The following ASB3 variants were observed in gnomAD, a reference collection of about 807,000 sequenced individuals.
ASB3 encodes the protein ankyrin repeat and SOCS box protein 3.
In ASB3, 41 loss-of-function variants were observed where a neutral mutation model predicts 54.5. That is an observed-to-expected ratio of 0.75 (90% CI 0.59 to 0.98). The LOEUF (loss-of-function observed/expected upper bound fraction) is 0.98, where lower values mean the gene tolerates loss of function less well. Among genes scored for constraint, ASB3 ranks in the 50% least tolerant of loss-of-function variants. The pLI, the probability that ASB3 is intolerant of heterozygous loss-of-function variation, is 0.00. For missense variants in ASB3, 733 were observed against 620.0 expected (o/e 1.18, Z -1.94); for synonymous variants, 266 against 221.2 (o/e 1.20, Z -1.80).
intron 1 of ASB3, chr2:53,771,832 A>G (rs1673934389): frequency 1.2e-6 from 1 of 804,348 alleles, no homozygotes; most frequent in African/African-American, 1.7e-5. Flanking sequence ...TTCCATGTCA[A>G]AAATGTTGCT....
chr2:53,766,430 T>C (rs939765895), intron 1 of ASB3, among the ~76,000 whole-genome samples: 2 of 152,240 alleles, frequency 1.3e-5, no homozygotes, highest in African/African-American at 4.8e-5. Flanking sequence ...TATTGTTAAT[T>C]TTCTCAGATG....
At chr2:53,753,359 T>C (rs1672632642) in intron 2 of ASB3, among the ~76,000 whole-genome samples, 1 of 152,152 alleles carries the variant, frequency 6.6e-6, no homozygotes, top group South Asian at 2.1e-4. Flanking sequence ...ATGGCAGATC[T>C]GGGGGCCAGG....
At chr2:53,759,351 G>T (rs575871369) in intron 2 of ASB3, among the ~76,000 whole-genome samples, 2 of 152,274 alleles carry the variant, frequency 1.3e-5, no homozygotes, top group Admixed American at 1.3e-4. Flanking sequence ...CGCCTTTCTG[G>T]AGACACTAAG....
chr2:53,713,716 C>G (rs568980882), intron 7 of ASB3, among the ~76,000 whole-genome samples: 6 of 152,068 alleles, frequency 3.9e-5, no homozygotes, highest in African/African-American at 1.4e-4. Context: ...AGTTCAAGAC[C>G]AGCCTGGGCA....
intron 7 of ASB3, among the ~76,000 whole-genome samples, chr2:53,710,761 A>T (rs1319305213): frequency 6.6e-6 from 1 of 152,172 alleles, no homozygotes; most frequent in Non-Finnish European, 1.5e-5. Context: ...TTCCTGCTTT[A>T]AGCTTGGACC....
chr2:53,784,844 A>G (rs1346591693), intron 1 of ASB3, among the ~76,000 whole-genome samples: 1 of 152,174 alleles, frequency 6.6e-6, no homozygotes, highest in Non-Finnish European at 1.5e-5. Flanking sequence ...TAGGACTTAA[A>G]CATGTCTTTT....
intron 7 of ASB3, among the ~76,000 whole-genome samples, chr2:53,703,003 A>G (rs1669574045): frequency 6.6e-6 from 1 of 152,222 alleles, no homozygotes; most frequent in South Asian, 2.1e-4. Flanking sequence ...TGGTGGCTAG[A>G]ATGGACACAA....
intron 9 of ASB3, among the ~76,000 whole-genome samples, chr2:53,690,337 C>G (rs1177795542): frequency 6.6e-6 from 1 of 152,134 alleles, no homozygotes; most frequent in African/African-American, 2.4e-5. Flanking sequence ...CACAGGCCAT[C>G]CATTTACAGA....
chr2:53,769,333 T>A (rs1673725512), intron 1 of ASB3, among the ~76,000 whole-genome samples: 1 of 152,228 alleles, frequency 6.6e-6, no homozygotes, highest in African/African-American at 2.4e-5. Flanking sequence ...TTGATATGAA[T>A]ATTTAAAATT....
At chr2:53,676,029 G>T (rs182537500) in intron 9 of ASB3, among the ~76,000 whole-genome samples, 3 of 152,100 alleles carry the variant, frequency 2.0e-5, no homozygotes, top group Admixed American at 2.0e-4. Flanking sequence ...TTATCACCAA[G>T]AAAGAAAAAG....
chr2:53,778,454 ACATT>A (rs1674474104), intron 1 of ASB3, among the ~76,000 whole-genome samples: 1 of 152,192 alleles, frequency 6.6e-6, no homozygotes, highest in Non-Finnish European at 1.5e-5. Context: ...AGTATAAAGT[ACATT>A]ATTAGTCACT....
intron 7 of ASB3, among the ~76,000 whole-genome samples, chr2:53,708,330 G>C (rs548834355): frequency 4.0e-4 from 61 of 152,294 alleles, no homozygotes; most frequent in Non-Finnish European, 2.9e-5. Flanking sequence ...GTTTCCTGAA[G>C]TGTCTCCAAA....
chr2:53,703,040 C>T (rs1669578296), intron 7 of ASB3, among the ~76,000 whole-genome samples: 1 of 152,142 alleles, frequency 6.6e-6, no homozygotes, highest in African/African-American at 2.4e-5. Context: ...AATGTAATAA[C>T]AATGATTAGT....
intron 9 of ASB3, among the ~76,000 whole-genome samples, chr2:53,691,239 G>C (rs1177971614): frequency 3.3e-5 from 5 of 152,152 alleles, no homozygotes; most frequent in African/African-American, 1.2e-4. Context: ...ATGGCAAGTT[G>C]CTACTTACTT....
intron 1 of ASB3, among the ~76,000 whole-genome samples, chr2:53,771,341 C>T (rs887239914): frequency 6.6e-6 from 1 of 151,920 alleles, no homozygotes; most frequent in South Asian, 2.1e-4. Flanking sequence ...ATGGTAAACC[C>T]GTCTCTACTA....
intron 9 of ASB3, among the ~76,000 whole-genome samples, chr2:53,676,522 T>C (rs1558510160): frequency 6.6e-6 from 1 of 152,222 alleles, no homozygotes; most frequent in Non-Finnish European, 1.5e-5. Flanking sequence ...ATAATGGAGC[T>C]GAAAAATTAT....
chr2:53,752,570 G>A (rs965243393), intron 2 of ASB3, among the ~76,000 whole-genome samples: 6 of 152,224 alleles, frequency 3.9e-5, no homozygotes, highest in Admixed American at 1.3e-4. Context: ...TTCTGTGCAC[G>A]TGTTAAGGCA....
chr2:53,732,684 T>C (rs1671387410), intron 3 of ASB3, among the ~76,000 whole-genome samples: 1 of 152,242 alleles, frequency 6.6e-6, no homozygotes, highest in Non-Finnish European at 1.5e-5. Context: ...AAATCTGCTA[T>C]CTGCAACTAT....
At chr2:53,730,726 A>G (rs1175904000) in intron 3 of ASB3, among the ~76,000 whole-genome samples, 2 of 152,132 alleles carry the variant, frequency 1.3e-5, no homozygotes, top group Non-Finnish European at 2.9e-5. Flanking sequence ...TTACTTTTTA[A>G]TACCAGCCAT....
Sources: allele counts gnomAD v4.1 joint callset (sites outside exome capture counted in the v4.1 genomes callset), GRCh38; gene constraint gnomAD v4.1.1; transcripts MANE v1.5; gene names NCBI Gene and HGNC (gene_info 2026-07-23, HGNC 2026-07-21).